The following USP34 variants were observed in gnomAD, a reference collection of about 807,000 sequenced individuals.
USP34 encodes the protein ubiquitin carboxyl-terminal hydrolase 34.
USP34 carries 70 observed loss-of-function variants against 460.3 expected under a neutral mutation model. The ratio of observed to expected loss-of-function variants is 0.15; its 90% CI spans 0.13 to 0.19. USP34 has a LOEUF of 0.19. USP34 is among the 10% of genes least tolerant of loss of function. The pLI is 1.00. For missense variants in USP34, 3,985 were observed against 4,236.2 expected (o/e 0.94, Z 1.65); for synonymous variants, 1,647 against 1,405.3 (o/e 1.17, Z -3.85).
At chr2:61,367,230 T>C in intron 10 of USP34, among the ~76,000 whole-genome samples, 1 of 152,244 alleles carries the variant, frequency 6.6e-6, no homozygotes, top group South Asian at 2.1e-4. Context: ...CAAGTACAGT[T>C]ATGACTTCAC....
intron 75 of USP34, among the ~76,000 whole-genome samples, chr2:61,195,527 C>T (rs1416713392): frequency 6.6e-6 from 1 of 151,780 alleles, no homozygotes; most frequent in African/African-American, 2.4e-5. Context: ...CAAAAATTAG[C>T]CAGGCGTGGT....
At chr2:61,388,565 G>C (rs1328844089) in intron 5 of USP34, among the ~76,000 whole-genome samples, 1 of 151,576 alleles carries the variant, frequency 6.6e-6, no homozygotes. Context: ...GACCATCCTA[G>C]CTAACACGGT....
At chr2:61,428,382 G>T (rs940027111) in intron 1 of USP34, among the ~76,000 whole-genome samples, 2 of 151,944 alleles carry the variant, frequency 1.3e-5, no homozygotes, top group Non-Finnish European at 2.9e-5. Context: ...GGTAATAAAA[G>T]CAAGTTTCTC....
At chr2:61,427,649 G>A (rs1201748674) in intron 1 of USP34, among the ~76,000 whole-genome samples, 1 of 152,154 alleles carries the variant, frequency 6.6e-6, no homozygotes, top group Admixed American at 6.5e-5. Context: ...AAACATGTAA[G>A]AAGACTCCAG....
chr2:61,316,737 T>TA (rs1161908236), intron 23 of USP34, among the ~76,000 whole-genome samples: 1 of 151,360 alleles, frequency 6.6e-6, no homozygotes, highest in Non-Finnish European at 1.5e-5. Context: ...ATACAAAAAT[T>TA]AGTCAGGCAT....
chr2:61,469,374 C>G (rs1040597509), intron 1 of USP34, among the ~76,000 whole-genome samples: 1 of 152,134 alleles, frequency 6.6e-6, no homozygotes, highest in Non-Finnish European at 1.5e-5. Context: ...TTTATCATAT[C>G]GTAAACCGCC....
chr2:61,256,803 C>T, intron 47 of USP34, 70 bp downstream of exon 47: 3 of 1,181,608 alleles, frequency 2.5e-6, no homozygotes, highest in Non-Finnish European at 3.5e-6. Context: ...ATCAAGATGA[C>T]CAACACAAAC....
intron 20 of USP34, among the ~76,000 whole-genome samples, chr2:61,330,459 G>C (rs1331629844): frequency 6.6e-6 from 1 of 152,182 alleles, no homozygotes; most frequent in Non-Finnish European, 1.5e-5. Context: ...AGGGAAATAA[G>C]TAAATTTATT....
rs549424144 is a variant in USP34 at position 61,405,903 on chromosome 2, T to G, written c.357A>C (p.Gln119His). ...AGTTTGATTTTTTTTCTATTGATTT[T>G]TGTCTTTCTGTACTTCCTTCATTAC... ...RECNEGSTER[Q>H]KSIEKKSNST... The change falls in exon 3 of 80, where the codon CAA (glutamine) becomes CAC (histidine). Residue 119 changes from glutamine (Q) to histidine (H), a missense_variant. Physicochemically the swap from Gln to His is conservative, Grantham distance 24 (BLOSUM62 0). Around this residue, in one of 14 missense-constraint regions of USP34, gnomAD observed 331 missense variants for 293.7 expected, o/e 1.13. Coordinates refer to ENST00000398571, the MANE Select transcript of USP34 (RefSeq NM_014709.4). 6.2e-7 allele frequency: 1 copy of G among 1,613,772 alleles called. No individual in the cohort carries two copies. Among genetic ancestry groups the G allele is most frequent in the Non-Finnish European group, 8.5e-7 (1 of 1,179,950 alleles).
rs3771267 is a variant in USP34, at chr2:61,334,970, A to G, written c.2745-999T>C. ...CTTTTCTCCCATTTAAAAGAATCAAATTCCAAAGAACAAAGACACACATTT... is the reference window on the plus strand; with the variant it reads ...CTTTTCTCCCATTTAAAAGAATCAAGTTCCAAAGAACAAAGACACACATTT... On this transcript the variant is annotated intron_variant, in intron 18 of 79. Coordinates refer to ENST00000398571, the MANE Select transcript of USP34 (RefSeq NM_014709.4). 2.0e-4 allele frequency among the ~76,000 whole-genome samples: 31 copies of G among 152,320 alleles called. 1 individual carries two copies. The East Asian group carries it at 6.0e-3, about 29-fold the overall frequency.
intron 1 of USP34, among the ~76,000 whole-genome samples, chr2:61,455,303 T>C (rs1335467725): frequency 1.3e-5 from 2 of 152,048 alleles, no homozygotes; most frequent in Non-Finnish European, 2.9e-5. Flanking sequence ...CTCAGCCTCC[T>C]GGGTAGCTAG....
At chr2:61,262,204 C>G (rs560262550) in intron 43 of USP34, among the ~76,000 whole-genome samples, 36 of 130,986 alleles carry the variant, frequency 2.7e-4, no homozygotes, top group Non-Finnish European at 3.7e-4. Context: ...ACTGTTTACT[C>G]TTATTTTAGG....
Position 61,464,180 on chromosome 2 carries a change from G to A in USP34, c.43+6470C>T, listed in dbSNP as rs1042569683. 3.4e-4 allele frequency among the ~76,000 whole-genome samples: 52 copies of A among 152,174 alleles called. 1 individual carries two copies. Among genetic ancestry groups the A allele is most frequent in the Admixed American group, 2.8e-3 (43 of 15,282 alleles). On this transcript the variant is annotated intron_variant, in intron 1 of 79. Coordinates refer to ENST00000398571, the MANE Select transcript of USP34 (RefSeq NM_014709.4). ...CTAAAAATACAAACATTAGCTGGGC[G>A]TGGTGGCAGGCGCCTCTAATTCCAG...
At chr2:61,437,622 A>C (rs1392361781) in intron 1 of USP34, among the ~76,000 whole-genome samples, 1 of 151,872 alleles carries the variant, frequency 6.6e-6, no homozygotes, top group Non-Finnish European at 1.5e-5. Flanking sequence ...AAATACAAAA[A>C]ATTAGCCAGG....
chr2:61,246,366 A>G lies in USP34; in HGVS notation c.6506T>C (p.Ile2169Thr). ...AGCATGGGGATTTACTATATCTCTG[A>G]TAAAGCTATAATAGTGTCCACCATC... ...TADGGHYYSF[I>T]RDIVNPHAYK... The change falls in exon 50 of 80, where the codon ATC (isoleucine) becomes ACC (threonine). Residue 2169 changes from isoleucine to threonine, a missense_variant. By Grantham distance (89) the Ile-to-Thr change is moderately conservative (BLOSUM62 -1). This residue lies in a region of USP34 where 70 missense variants were observed against 78.1 expected (regional missense o/e 0.90). Coordinates refer to ENST00000398571, the MANE Select transcript of USP34 (RefSeq NM_014709.4). 2 of 1,601,336 alleles carry G rather than the reference A, an allele frequency of 1.2e-6. No homozygotes were observed.
chr2:61,382,288 G>C (rs1692997237), intron 6 of USP34, among the ~76,000 whole-genome samples: 2 of 152,036 alleles, frequency 1.3e-5, no homozygotes, highest in Admixed American at 6.6e-5. Flanking sequence ...GGCCTACAAG[G>C]TCCTGAATAA....
At chr2:61,209,227 A>T (rs181603676) in intron 69 of USP34, among the ~76,000 whole-genome samples, 1 of 152,354 alleles carries the variant, frequency 6.6e-6, no homozygotes, top group East Asian at 1.9e-4. Flanking sequence ...ATATGGGAAT[A>T]TTTTTAAAGT....
intron 75 of USP34, among the ~76,000 whole-genome samples, chr2:61,198,823 C>T (rs2103756570): frequency 6.6e-6 from 1 of 152,248 alleles, no homozygotes; most frequent in Middle Eastern, 3.4e-3. Flanking sequence ...GAGCCAAGGT[C>T]ACACCACTGC....
chr2:61,436,945 T>G (rs1389263998), intron 1 of USP34, among the ~76,000 whole-genome samples: 2 of 152,180 alleles, frequency 1.3e-5, no homozygotes, highest in Non-Finnish European at 2.9e-5. Flanking sequence ...GAATGACCAC[T>G]GGGTCAATGA....
Sources: gnomAD v4.1 joint callset for allele counts (sites outside exome capture counted in the v4.1 genomes callset) on GRCh38, gnomAD v4.1.1 for gene constraint, gnomAD v4.1.1 regional missense constraint, MANE v1.5 for transcripts, NCBI Gene and HGNC (gene_info 2026-07-23, HGNC 2026-07-21) for gene names.